Variants in COL5A3 observed in about 807,000 individuals in gnomAD.
COL5A3 encodes the protein collagen alpha-3(V) chain.
A neutral mutation model predicts 250.0 loss-of-function variants in COL5A3; 172 were observed. That is an observed-to-expected ratio of 0.69 (90% CI 0.61 to 0.78). The LOEUF is 0.78. Ranked by LOEUF, COL5A3 falls within the 30% of genes least tolerant of loss-of-function variation. The probability of loss-of-function intolerance (pLI) is 0.00; values close to 1 mark genes in which losing one functional copy is unlikely to be tolerated. For synonymous variants in COL5A3, 937 were observed against 900.4 expected, an observed-to-expected ratio of 1.04 and a Z score of -0.73; for missense variants, 2,340 against 2,334.4, an observed-to-expected ratio of 1.00 and a Z score of -0.05.
At chr19:10,005,498 C>T (rs2087428432) in intron 4 of COL5A3, 60 bp downstream of exon 4, 1 of 1,526,490 alleles carries the variant, frequency 6.6e-7, no homozygotes, top group Non-Finnish European at 9.1e-7. Flanking sequence ...TCTCCAGATT[C>T]AGGCTGTAGA....
At chr19:9,986,664 AC>A (rs1568421052) in intron 28 of COL5A3, 49 bp downstream of exon 28, 1 of 1,612,436 alleles carries the variant, frequency 6.2e-7, no homozygotes, top group East Asian at 2.2e-5. Flanking sequence ...CACAACCAGG[AC>A]CCCATGATTG....
At chr19:10,007,328 C>T (rs1454187410) in intron 1 of COL5A3, among the ~76,000 whole-genome samples, 1 of 152,226 alleles carries the variant, frequency 6.6e-6, no homozygotes, top group Admixed American at 6.5e-5. Flanking sequence ...TTTCATCTCT[C>T]TGACTTCCTC....
rs780966889 is a variant in COL5A3 at position 9,973,905 on chromosome 19, C to CA, written c.3558+13_3558+14insT. ...CCCATCTCTGAGCCTTCCTGGCCCCCCAAGAGTTCTCACCTCTGATCCAGT... is the reference window on the plus strand; with the variant it reads ...CCCATCTCTGAGCCTTCCTGGCCCCCACAAGAGTTCTCACCTCTGATCCAGT... On this transcript the variant is annotated intron_variant, in intron 48 of 66. Transcript: ENST00000264828. The CA allele has an allele frequency of 3.0e-5, 47 of 1,586,486 alleles. No homozygotes were observed. In the East Asian group the frequency reaches 7.4e-4, roughly 25 times the overall value.
At chr19:9,998,691 T>TC (rs1491530965) in intron 8 of COL5A3, among the ~76,000 whole-genome samples, 5 of 112,998 alleles carry the variant, frequency 4.4e-5, no homozygotes, top group Non-Finnish European at 8.1e-5. Flanking sequence ...TTCTTTCTTC[T>TC]TTTTTTTTTT....
chr19:9,980,897 G>C (rs1223502321), intron 33 of COL5A3, 38 bp from the exon 34 acceptor site: 2 of 1,586,482 alleles, frequency 1.3e-6, no homozygotes, highest in African/African-American at 2.7e-5. Flanking sequence ...GATATGAGGG[G>C]GTGGGGGAGC....
At chr19:10,008,240 C>T (rs1476282855) in intron 1 of COL5A3, among the ~76,000 whole-genome samples, 1 of 152,180 alleles carries the variant, frequency 6.6e-6, no homozygotes, top group Non-Finnish European at 1.5e-5. Flanking sequence ...AACCTCTCTG[C>T]AGAGGAAAGA....
At position 9,966,739 on chromosome 19, in the gene COL5A3, G is replaced by A; in HGVS notation, c.4466C>T (p.Pro1489Leu). Residue 1489 changes from proline (P) to leucine (L), a missense_variant, in exon 63 of 67, where the codon CCT becomes CTT. This residue lies in a region of COL5A3 where 1,179 missense variants were observed against 1,162.6 expected (regional missense o/e 1.01). Coordinates refer to ENST00000264828, the MANE Select transcript of COL5A3 (RefSeq NM_015719.4). ...CCTGCGCAGCCCATGCAGCTCGGCA[G>A]GGGCACCCTGGGCGTAGGGGATGGG... The part of the protein sequence containing the change: ...PAGPPGPPGA[P>L]AELHGLRRRR... 6.5e-7 allele frequency: 1 copy of A among 1,534,452 alleles called. No individual in the cohort carries two copies. The highest frequency in any genetic ancestry group is 8.7e-7 in the Non-Finnish European group (1 of 1,145,666).
chr19:9,979,519 G>T (rs915462204), intron 37 of COL5A3, 102 bp from the exon 38 acceptor site: 49 of 1,286,548 alleles, frequency 3.8e-5, no homozygotes, highest in Non-Finnish European at 5.4e-5. Flanking sequence ...GGCCGGTCCG[G>T]TGGCTCACGC....
intron 37 of COL5A3, among the ~76,000 whole-genome samples, 179 bp downstream of exon 37, chr19:9,979,660 C>G (rs1012374963): frequency 1.3e-5 from 2 of 151,998 alleles, no homozygotes; most frequent in Admixed American, 6.6e-5. Flanking sequence ...CGTGGTGGCA[C>G]GCGCCTGTAG....
intron 23 of COL5A3, 48 bp downstream of exon 23, chr19:9,991,740 C>T (rs757629407): frequency 1.3e-6 from 2 of 1,596,268 alleles, no homozygotes; most frequent in South Asian, 1.1e-5. Flanking sequence ...GGTCTAAGGT[C>T]TTAACTGACC....
intron 39 of COL5A3, 64 bp from the exon 40 acceptor site, chr19:9,979,044 C>A: frequency 6.8e-7 from 1 of 1,479,780 alleles, no homozygotes; most frequent in South Asian, 1.4e-5. Flanking sequence ...CAATCTGTGA[C>A]TCAGGGCCCC....
intron 16 of COL5A3, 91 bp from the exon 17 acceptor site, chr19:9,993,897 A>ATTT: frequency 8.8e-7 from 1 of 1,142,528 alleles, no homozygotes. Flanking sequence ...CAACATCAAG[A>ATTT]TTTTTTTTTT....
intron 8 of COL5A3, among the ~76,000 whole-genome samples, chr19:10,001,068 C>T (rs190994860): frequency 8.6e-5 from 13 of 152,028 alleles, no homozygotes; most frequent in African/African-American, 2.7e-4. Flanking sequence ...ATGTAACAAG[C>T]CTGCACTTGT....
intron 15 of COL5A3, 140 bp downstream of exon 15, chr19:9,995,926 G>T (rs758546889): frequency 1.5e-5 from 13 of 894,376 alleles, no homozygotes; most frequent in Non-Finnish European, 2.2e-5. Context: ...TTCCAGATGT[G>T]AGCCACCATT....
At chr19:9,978,858 G>T in intron 40 of COL5A3, 33 bp downstream of exon 40, 3 of 1,304,394 alleles carry the variant, frequency 2.3e-6, no homozygotes, top group Non-Finnish European at 3.1e-6. Context: ...CCTTCTCTAA[G>T]GGACATGCAG....
chr19:9,991,293 C>T (rs1437842779), intron 24 of COL5A3, among the ~76,000 whole-genome samples: 2 of 152,124 alleles, frequency 1.3e-5, no homozygotes, highest in Non-Finnish European at 1.5e-5. Context: ...CCAGGGAAGG[C>T]GGAAGCAGAT....
intron 44 of COL5A3, 80 bp from the exon 45 acceptor site, chr19:9,976,691 C>A: frequency 9.5e-7 from 1 of 1,047,780 alleles, no homozygotes; most frequent in Non-Finnish European, 1.4e-6. Context: ...ATCACTGCCT[C>A]CCACACCCCC....
chr19:9,982,159 G>A, intron 31 of COL5A3, 41 bp from the exon 32 acceptor site: 1 of 1,434,456 alleles, frequency 7.0e-7, no homozygotes, highest in Non-Finnish European at 9.5e-7. Flanking sequence ...AGGGTGAGGA[G>A]TGAGTGGTGG....
intron 8 of COL5A3, among the ~76,000 whole-genome samples, chr19:9,998,703 T>A (rs543501715): frequency 2.7e-5 from 4 of 147,202 alleles, no homozygotes; most frequent in South Asian, 4.2e-4. Context: ...TTTTTTTTTT[T>A]AAATGGAGTC....
Sources: gnomAD v4.1 joint callset for allele counts (sites outside exome capture counted in the v4.1 genomes callset) on GRCh38, gnomAD v4.1.1 for gene constraint, gnomAD v4.1.1 regional missense constraint, MANE v1.5 for transcripts, NCBI Gene and HGNC (gene_info 2026-07-23, HGNC 2026-07-21) for gene names.